SPACA7: variants seen among roughly 807,000 people sequenced by gnomAD.
SPACA7 encodes sperm acrosome associated 7.
In SPACA7, 19 loss-of-function variants were observed where a neutral mutation model predicts 26.3. That is an observed-to-expected ratio of 0.72 (90% CI 0.50 to 1.06). SPACA7 has a LOEUF of 1.06. Ranked by LOEUF, SPACA7 falls within the 50% of genes least tolerant of loss-of-function variation. The pLI is 0.00. For missense variants in SPACA7, 211 were observed against 229.9 expected (o/e 0.92, Z 0.53); for synonymous variants, 84 against 84.5 (o/e 0.99, Z 0.04).
chr13:112,421,265 G>T (rs1245370829), intron 5 of SPACA7, among the ~76,000 whole-genome samples: 1 of 146,778 alleles, frequency 6.8e-6, no homozygotes, highest in African/African-American at 2.6e-5. Context: ...AAGCAAAAAG[G>T]AGGGCAACTG....
intron 1 of SPACA7, among the ~76,000 whole-genome samples, chr13:112,379,640 T>A (rs966595483): frequency 1.2e-4 from 18 of 152,196 alleles, no homozygotes; most frequent in Admixed American, 3.3e-4. Flanking sequence ...AGGTTAAACA[T>A]CCCTTATTTG....
chr13:112,433,766 C>T (rs1373255760), intron 6 of SPACA7, among the ~76,000 whole-genome samples: 1 of 152,208 alleles, frequency 6.6e-6, no homozygotes, highest in African/African-American at 2.4e-5. Context: ...ACAAGGTCTG[C>T]TCGTGCCCCC....
chr13:112,400,861 G>C (rs745461875), intron 4 of SPACA7, among the ~76,000 whole-genome samples: 1 of 152,216 alleles, frequency 6.6e-6, no homozygotes, highest in African/African-American at 2.4e-5. Flanking sequence ...GTCAAAGGAC[G>C]TGTGGAGGAG....
intron 1 of SPACA7, chr13:112,378,619 T>C (rs1344216423): frequency 2.1e-6 from 1 of 469,314 alleles, no homozygotes; most frequent in Non-Finnish European, 4.4e-6. Flanking sequence ...CCTAAAGACT[T>C]GGGTGAATTT....
chr13:112,405,094 C>T (rs535977359), intron 5 of SPACA7, among the ~76,000 whole-genome samples: 487 of 151,404 alleles, frequency 3.2e-3, no homozygotes, highest in Non-Finnish European at 3.6e-3. Flanking sequence ...GCCATTCTCC[C>T]GCCTCAGCCT....
chr13:112,392,800 C>T (rs1752723), intron 1 of SPACA7, among the ~76,000 whole-genome samples: 75,949 of 151,874 alleles, frequency 0.5, 19,554 homozygotes, highest in South Asian at 0.66. Flanking sequence ...ACAGCCACCC[C>T]GGAGGTGGCT....
Position 112,398,049 on chromosome 13 carries a change from A to G in SPACA7, c.152A>G (p.Asp51Gly). 6.2e-7 allele frequency: 1 copy of G among 1,611,196 alleles called. No homozygotes were observed. Residue 51 changes from aspartate (D) to glycine (G), a missense_variant and splice_region_variant, in exon 3 of 7, where the codon GAT becomes GGT. Transcript: ENST00000283550. ...CGTGATCTTGTGTGCTTCTCCCAAG[A>G]TGAAATTCTGGTCCAGGAGATTTTA... ...SKQEDMSELLDEILVQEILDL... is the reference protein window; with the variant it reads ...SKQEDMSELLGEILVQEILDL...
chr13:112,394,203 G>T (rs1885083963), intron 2 of SPACA7, among the ~76,000 whole-genome samples: 1 of 152,174 alleles, frequency 6.6e-6, no homozygotes, highest in South Asian at 2.1e-4. Context: ...CTGCACTTCT[G>T]CTCTGACCTC....
Position 112,376,443 on chromosome 13 carries a change from C to A in SPACA7, c.58C>A (p.Gln20Lys). 6.2e-7 allele frequency: 1 copy of A among 1,613,728 alleles called. No individual in the cohort carries two copies. The highest frequency in any genetic ancestry group is 8.5e-7 in the Non-Finnish European group (1 of 1,179,862). The change falls in exon 1 of 7, where the codon CAA (glutamine) becomes AAA (lysine). Residue 20 changes from glutamine to lysine, a missense_variant. Gln to Lys is a moderately conservative substitution (Grantham distance 53). Transcript: ENST00000283550. ...CTTTGTCCTCCTGCTGTGCTGTTGG[C>A]AAGAAACTGAGCTCCGGCCGAGAAC... ...LCFVLLLCCW[Q>K]ETELRPRTVI...
At chr13:112,391,847 C>T (rs1283285783) in intron 1 of SPACA7, among the ~76,000 whole-genome samples, 2 of 152,290 alleles carry the variant, frequency 1.3e-5, no homozygotes, top group East Asian at 3.9e-4. Flanking sequence ...GAGAACTGTA[C>T]TTTGTTTGTT....
rs539979640 is a variant in SPACA7 at position 112,417,937 on chromosome 13, A to G, written c.446-14507A>G. 2.6e-5 allele frequency among the ~76,000 whole-genome samples: 4 copies of G among 152,206 alleles called. No individual in the cohort carries two copies. The South Asian group carries it at 8.3e-4, about 32-fold the overall frequency. Reference sequence around the variant, plus strand: ...TTTGATATTTGAGTATTTTATAGTTAGGTTATGCCTGAGTGTATAGTTTTG... The same window carrying G: ...TTTGATATTTGAGTATTTTATAGTTGGGTTATGCCTGAGTGTATAGTTTTG... On this transcript the variant is annotated intron_variant, in intron 5 of 6. Coordinates refer to ENST00000283550, the MANE Select transcript of SPACA7 (RefSeq NM_145248.5).
intron 5 of SPACA7, among the ~76,000 whole-genome samples, chr13:112,420,740 G>T (rs140316609): frequency 6.6e-6 from 1 of 151,890 alleles, no homozygotes; most frequent in Non-Finnish European, 1.5e-5. Context: ...AGCAGGATAC[G>T]TTTAAACACA....
intron 1 of SPACA7, among the ~76,000 whole-genome samples, chr13:112,392,614 T>G (rs962079137): frequency 6.6e-6 from 1 of 151,968 alleles, no homozygotes; most frequent in Non-Finnish European, 1.5e-5. Flanking sequence ...ACGAAGGAGG[T>G]CCAAATGCTG....
intron 1 of SPACA7, among the ~76,000 whole-genome samples, chr13:112,381,679 C>T (rs898751917): frequency 2.4e-4 from 36 of 152,074 alleles, no homozygotes; most frequent in Admixed American, 2.1e-3. Context: ...CCCAGGCATT[C>T]GGGAAACAGA....
chr13:112,384,026 G>A (rs1029593788), intron 1 of SPACA7, among the ~76,000 whole-genome samples: 2 of 152,284 alleles, frequency 1.3e-5, no homozygotes, highest in African/African-American at 4.8e-5. Flanking sequence ...GTTGCAAATA[G>A]CTTTAAAGAA....
At chr13:112,401,888 A>T (rs1337071217) in intron 5 of SPACA7, among the ~76,000 whole-genome samples, 1 of 152,156 alleles carries the variant, frequency 6.6e-6, no homozygotes, top group Non-Finnish European at 1.5e-5. Context: ...TTACACACAA[A>T]GTTTTTCTGT....
chr13:112,434,628 G>C lies in SPACA7; in HGVS notation c.*79G>C. 1 of 1,142,090 alleles carries C rather than the reference G, an allele frequency of 8.8e-7. No individual in the cohort carries two copies. Among genetic ancestry groups the C allele is most frequent in the Non-Finnish European group, 1.3e-6 (1 of 775,590 alleles). 70.7% of individuals were successfully genotyped at this position (1,142,090 alleles called of 1,614,324 possible). A position where few individuals can be genotyped will look rare whatever the true frequency, so the allele number is the denominator to read the frequency against. ...CACCAGCCTCCGGAACAGGGCACTT[G>C]TGTGCACACGCCCACGTTCTCTGAA... On this transcript the variant is annotated 3_prime_UTR_variant, in exon 7 of 7. Coordinates refer to ENST00000283550, the MANE Select transcript of SPACA7 (RefSeq NM_145248.5).
chr13:112,405,417 T>A (rs1160063133), intron 5 of SPACA7, among the ~76,000 whole-genome samples: 1 of 152,196 alleles, frequency 6.6e-6, no homozygotes, highest in Non-Finnish European at 1.5e-5. Flanking sequence ...CAGAAATTTA[T>A]CATTTTAGCT....
intron 2 of SPACA7, among the ~76,000 whole-genome samples, chr13:112,396,207 G>A (rs567673993): frequency 1.6e-4 from 24 of 151,206 alleles, no homozygotes; most frequent in African/African-American, 5.6e-4. Context: ...ACAGGTCAGG[G>A]ACTGTGGGTA....
Sources: gnomAD v4.1 joint callset for allele counts (sites outside exome capture counted in the v4.1 genomes callset) on GRCh38, gnomAD v4.1.1 for gene constraint, MANE v1.5 for transcripts, NCBI Gene and HGNC (gene_info 2026-07-23, HGNC 2026-07-21) for gene names.